The following CD300LF variants were observed in gnomAD, a reference collection of about 807,000 sequenced individuals.
CD300LF encodes CMRF35-like molecule 1.
In CD300LF, 27 loss-of-function variants were observed where a neutral mutation model predicts 32.2. That is an observed-to-expected ratio of 0.84 (90% CI 0.62 to 1.15). The LOEUF (loss-of-function observed/expected upper bound fraction) is 1.15. CD300LF is among the 50% of genes most tolerant of loss of function. The pLI is 0.00. For missense variants in CD300LF, 348 were observed against 356.8 expected, an observed-to-expected ratio of 0.98 and a Z score of 0.20; for synonymous variants, 139 against 143.2, an observed-to-expected ratio of 0.97 and a Z score of 0.21.
In CD300LF at chr17:74,704,722, C is replaced by G. The variant is rs1296643471; in HGVS notation, c.138G>C (p.Trp46Cys). The G allele has an allele frequency of 6.2e-7, 1 of 1,614,170 alleles. No homozygotes were observed. The highest frequency in any genetic ancestry group is 1.3e-5 in the African/African-American group (1 of 75,048). Residue 46 changes from tryptophan (W) to cysteine (C), a missense_variant, in exon 2 of 7, where the codon TGG (tryptophan) becomes TGC (cysteine). Coordinates refer to ENST00000326165, the MANE Select transcript of CD300LF (RefSeq NM_139018.5). ...LTVQCVYRSG[W>C]ETYLKWWCRG... ...GACACCACCACTTCAAGTAGGTCTC[C>G]CAGCCTGATCTGTAAACACACTGCA...
chr17:74,712,856 A>G lies in CD300LF; in HGVS notation c.11T>C (p.Leu4Pro). The change falls in exon 1 of 7, where the codon CTG becomes CCG. Residue 4 changes from leucine to proline, a missense_variant. Coordinates refer to ENST00000326165, the MANE Select transcript of CD300LF (RefSeq NM_139018.5). ...CCAGAAGAGGAGCAGGTAGAGTGTC[A>G]GCAGGGGCATCTTCTCTTCAGACAG... MPL[L>P]TLYLLLFWLS... 6.2e-7 allele frequency: 1 copy of G among 1,614,072 alleles called. No homozygotes were observed. The highest frequency in any genetic ancestry group is 8.5e-7 in the Non-Finnish European group (1 of 1,179,978).
Position 74,704,752 on chromosome 17 carries a change from C to A in CD300LF, c.108G>T (p.Leu36Phe), listed in dbSNP as rs1448451754. 12 of 1,614,154 alleles carry A rather than the reference C, an allele frequency of 7.4e-6. No homozygotes were observed. The highest frequency in any genetic ancestry group is 9.3e-6 in the Non-Finnish European group (11 of 1,180,040). The change falls in exon 2 of 7, where the codon TTG becomes TTT. Residue 36 changes from leucine (L) to phenylalanine (F), a missense_variant. By Grantham distance (22) the Leu-to-Phe change is conservative. Coordinates refer to ENST00000326165, the MANE Select transcript of CD300LF (RefSeq NM_139018.5). ...CTGATCTGTAAACACACTGCACGGTCAAGGAGCCCCGCTCCAAGCCATTCA... is the reference window on the plus strand; with the variant it reads ...CTGATCTGTAAACACACTGCACGGTAAAGGAGCCCCGCTCCAAGCCATTCA... ...TTVNGLERGS[L>F]TVQCVYRSGW...
intron 6 of CD300LF, 60 bp from the exon 7 acceptor site, chr17:74,695,311 G>A: frequency 6.3e-7 from 1 of 1,598,372 alleles, no homozygotes; most frequent in Non-Finnish European, 8.5e-7. Context: ...TCACGGGGCA[G>A]AGGAGCCCTC....
intron 1 of CD300LF, among the ~76,000 whole-genome samples, chr17:74,709,752 T>C (rs2033812126): frequency 6.6e-6 from 1 of 152,030 alleles, no homozygotes; most frequent in African/African-American, 2.4e-5. Context: ...ATTTTTTTTT[T>C]TGGAGAGACA....
At chr17:74,706,080 G>C (rs569930247) in intron 1 of CD300LF, among the ~76,000 whole-genome samples, 1 of 152,194 alleles carries the variant, frequency 6.6e-6, no homozygotes, top group Admixed American at 6.5e-5. Flanking sequence ...ACAACAGGCA[G>C]AGGAGGGAAA....
intron 4 of CD300LF, among the ~76,000 whole-genome samples, chr17:74,696,752 C>T (rs2032519703): frequency 6.6e-6 from 1 of 152,166 alleles, no homozygotes; most frequent in Non-Finnish European, 1.5e-5. Flanking sequence ...GGTGGCTGGG[C>T]CTGTCCCTTC....
At chr17:74,707,330 G>A (rs574472002) in intron 1 of CD300LF, among the ~76,000 whole-genome samples, 7 of 152,328 alleles carry the variant, frequency 4.6e-5, no homozygotes, top group African/African-American at 1.4e-4. Flanking sequence ...CAAGGAATCT[G>A]ACCAGATATT....
At chr17:74,712,508 G>GCAGT (rs1267293135) in intron 1 of CD300LF, among the ~76,000 whole-genome samples, 2 of 152,186 alleles carry the variant, frequency 1.3e-5, no homozygotes, top group African/African-American at 4.8e-5. Context: ...CCAGGATCAG[G>GCAGT]CAGTCGCCTG....
At chr17:74,705,815 A>G (rs9903991) in intron 1 of CD300LF, among the ~76,000 whole-genome samples, 99,728 of 151,970 alleles carry the variant, frequency 0.66, 36,018 homozygotes, top group Middle Eastern at 0.84. Context: ...AGCTGGTCTC[A>G]AACTCCCGGG....
chr17:74,699,960 G>A (rs756972078), intron 3 of CD300LF, among the ~76,000 whole-genome samples: 31 of 152,034 alleles, frequency 2.0e-4, no homozygotes, highest in Non-Finnish European at 4.1e-4. Flanking sequence ...GACCAACATG[G>A]TGAAACTCCG....
intron 3 of CD300LF, among the ~76,000 whole-genome samples, chr17:74,700,815 C>CA (rs2032983738): frequency 1.3e-5 from 2 of 152,084 alleles, no homozygotes; most frequent in Admixed American, 1.3e-4. Flanking sequence ...ACCACCCCCC[C>CA]ACCCCAATCC....
chr17:74,712,717 G>T, intron 1 of CD300LF, 107 bp downstream of exon 1: 3 of 1,142,826 alleles, frequency 2.6e-6, no homozygotes, highest in South Asian at 1.3e-5. Context: ...AACGCACAAG[G>T]CTCATGCCAT....
At chr17:74,708,904 A>G (rs1400106054) in intron 1 of CD300LF, among the ~76,000 whole-genome samples, 1 of 148,458 alleles carries the variant, frequency 6.7e-6, no homozygotes, top group East Asian at 2.0e-4. Context: ...CGACAGAGCA[A>G]GACTCCGTCT....
chr17:74,699,360 C>A (rs534862645), intron 3 of CD300LF, among the ~76,000 whole-genome samples: 1 of 152,160 alleles, frequency 6.6e-6, no homozygotes, highest in Non-Finnish European at 1.5e-5. Flanking sequence ...GGTTGAATAG[C>A]GTCCTCTTCC....
Position 74,695,066 on chromosome 17 carries a change from T to C in CD300LF, c.*30A>G. 6.2e-7 allele frequency: 1 copy of C among 1,602,698 alleles called. No individual in the cohort carries two copies. The highest frequency in any genetic ancestry group is 2.2e-5 in the East Asian group (1 of 44,718). On this transcript the variant is annotated 3_prime_UTR_variant, in exon 7 of 7. Transcript: ENST00000326165. ...ATGAGGCAGGAGTGTGCTCACAGCCTGGGGTCCAAGAAGGAGCCTGGAGTG... is the reference window on the plus strand; with the variant it reads ...ATGAGGCAGGAGTGTGCTCACAGCCCGGGGTCCAAGAAGGAGCCTGGAGTG...
Position 74,702,945 on chromosome 17 carries a change from A to G in CD300LF, c.446+90T>C, listed in dbSNP as rs535516985. 123 of 1,122,108 alleles carry G rather than the reference A, an allele frequency of 1.1e-4. No individual in the cohort carries two copies. In the African/African-American group the frequency reaches 1.6e-3, roughly 15 times the overall value. The allele number at this position is 1,122,108 out of a possible 1,614,324, so 69.5% of individuals were successfully genotyped here. A position where few individuals can be genotyped will look rare whatever the true frequency, so the allele number is the denominator to read the frequency against. ...ACCAAGGAGCATGCAGGTCCCAGAC[A>G]AAGCTCAGGCTGGAAAATGGGACTT... On this transcript the variant is annotated intron_variant, in intron 3 of 6. Coordinates refer to ENST00000326165, the MANE Select transcript of CD300LF (RefSeq NM_139018.5).
intron 6 of CD300LF, 128 bp from the exon 7 acceptor site, chr17:74,695,379 G>A (rs2032343206): frequency 2.6e-6 from 3 of 1,138,806 alleles, no homozygotes; most frequent in Non-Finnish European, 3.7e-6. Flanking sequence ...AAGCCCTCCA[G>A]CTTCCCCCTT....
At position 74,695,771 on chromosome 17, in the gene CD300LF, A is replaced by C. The variant is rs2143547631; in HGVS notation, c.671T>G (p.Leu224Arg). The C allele has an allele frequency of 6.2e-7, 1 of 1,614,158 alleles. No individual in the cohort carries two copies. Among genetic ancestry groups the C allele is most frequent in the East Asian group, 2.2e-5 (1 of 44,870 alleles). ...CACCTGGTCAACCTGGGCAGAGGAA[A>C]GCTTCGTGGTAGCCTTTTGCGGGGA... ...GTSPQKATTK[L>R]SSAQVDQVEV... The change falls in exon 6 of 7, where the codon CTT becomes CGT. Residue 224 changes from leucine (L) to arginine (R), a missense_variant. Leu to Arg is a moderately radical substitution (Grantham distance 102). Transcript: ENST00000326165.
At chr17:74,710,966 G>A (rs1295967576) in intron 1 of CD300LF, among the ~76,000 whole-genome samples, 1 of 152,094 alleles carries the variant, frequency 6.6e-6, no homozygotes, top group Non-Finnish European at 1.5e-5. Context: ...CTTGAGCCCA[G>A]GAGTTGAGGC....
Sources: allele counts gnomAD v4.1 joint callset (sites outside exome capture counted in the v4.1 genomes callset), GRCh38; gene constraint gnomAD v4.1.1; transcripts MANE v1.5; gene names NCBI Gene and HGNC (gene_info 2026-07-23, HGNC 2026-07-21).